Variants in ARHGAP26 observed in about 807,000 individuals in gnomAD.
ARHGAP26 encodes the protein Rho GTPase activating protein 26, also known as rho GTPase-activating protein 26.
A neutral mutation model predicts 104.8 loss-of-function variants in ARHGAP26; 38 were observed. The ratio of observed to expected loss-of-function variants is 0.36; its 90% CI spans 0.28 to 0.48. The LOEUF is 0.48. Among genes scored for constraint, ARHGAP26 ranks in the 20% least tolerant of loss-of-function variants. The probability of loss-of-function intolerance (pLI) is 0.99; values close to 1 mark genes in which losing one functional copy is unlikely to be tolerated. For missense variants in ARHGAP26, 704 were observed against 947.9 expected, an observed-to-expected ratio of 0.74 and a Z score of 3.38; for synonymous variants, 341 against 340.0, an observed-to-expected ratio of 1.00 and a Z score of -0.03.
chr5:142,862,263 A>G (rs1360011942), intron 1 of ARHGAP26, among the ~76,000 whole-genome samples: 1 of 152,202 alleles, frequency 6.6e-6, no homozygotes, highest in African/African-American at 2.4e-5. Context: ...AGGCCTAAGG[A>G]TGTGGAAAGA....
At chr5:143,185,229 A>G (rs778630423) in intron 20 of ARHGAP26, among the ~76,000 whole-genome samples, 12 of 152,204 alleles carry the variant, frequency 7.9e-5, no homozygotes, top group Non-Finnish European at 1.6e-4. Context: ...ACAAGATGAA[A>G]TATGTATGGA....
At chr5:143,173,671 C>T (rs1475323397) in intron 20 of ARHGAP26, among the ~76,000 whole-genome samples, 1 of 152,132 alleles carries the variant, frequency 6.6e-6, no homozygotes, top group Admixed American at 6.5e-5. Context: ...TGCCCAAAGT[C>T]CACAAAATCT....
intron 3 of ARHGAP26, among the ~76,000 whole-genome samples, chr5:142,876,834 A>G (rs953152815): frequency 1.3e-5 from 2 of 150,994 alleles, no homozygotes; most frequent in Non-Finnish European, 2.9e-5. Flanking sequence ...CAGAGTAGAA[A>G]CCTCTTACCT....
chr5:143,213,758 G>GA lies in ARHGAP26; in HGVS notation c.2100-238dup, dbSNP rs528849529. 1.7e-3 allele frequency among the ~76,000 whole-genome samples: 264 copies of GA among 152,268 alleles called. 1 individual carries two copies. Among genetic ancestry groups the GA allele is most frequent in the South Asian group, 8.1e-3 (39 of 4,824 alleles). On this transcript the variant is annotated intron_variant, in intron 21 of 22. Transcript: ENST00000645722. ...GTAAAGTTTTAACATGGCACAAGGT[G>GA]ACCCCACAAAAAGTGTAGTTTCTTG...
At chr5:142,824,975 T>C (rs945162802) in intron 1 of ARHGAP26, among the ~76,000 whole-genome samples, 1 of 152,212 alleles carries the variant, frequency 6.6e-6, no homozygotes, top group South Asian at 2.1e-4. Context: ...GGGCAACCAA[T>C]GAAAATGGAT....
chr5:142,943,571 T>C (rs553249714), intron 11 of ARHGAP26, among the ~76,000 whole-genome samples: 1 of 152,330 alleles, frequency 6.6e-6, no homozygotes, highest in Non-Finnish European at 1.5e-5. Context: ...CTTTCTGTTA[T>C]CATCACATTA....
rs1384333802 is a variant in ARHGAP26, at chr5:142,770,395, C to G, written c.-367C>G. The stretch of plus-strand genomic sequence containing the variant: ...GCGGCCCAGACACCGGCGGGGCGGC[C>G]GAGGCTGCTGTGAGAGGGCGCTCGA... On this transcript the variant is annotated 5_prime_UTR_variant, in exon 1 of 23. Transcript: ENST00000645722. 1 of 190,710 alleles carries G rather than the reference C, an allele frequency of 5.2e-6. No individual in the cohort carries two copies. Among genetic ancestry groups the G allele is most frequent in the Non-Finnish European group, 1.1e-5 (1 of 90,876 alleles). 11.8% of individuals were successfully genotyped at this position (190,710 alleles called of 1,614,324 possible).
intron 20 of ARHGAP26, chr5:143,169,585 G>A (rs966591398): frequency 2.6e-5 from 4 of 152,222 alleles, no homozygotes; most frequent in Admixed American, 2.6e-4. Context: ...CCTAATTTCT[G>A]TTGGTCCACA....
rs1176038580 is a variant in ARHGAP26 at position 143,042,921 on chromosome 5, G to A, written c.1285+1031G>A. 2.0e-5 allele frequency among the ~76,000 whole-genome samples: 3 copies of A among 152,248 alleles called. No homozygotes were observed. In the East Asian group the frequency reaches 5.8e-4, roughly 29 times the overall value. ...ATTATTTGCGAGGTACTCTAGCAACGAGTATCTGGGTTTTTTTTGGTTAAG... is the reference window on the plus strand; with the variant it reads ...ATTATTTGCGAGGTACTCTAGCAACAAGTATCTGGGTTTTTTTTGGTTAAG... On this transcript the variant is annotated intron_variant, in intron 14 of 22. Transcript: ENST00000645722.
chr5:142,776,643 CT>C (rs1358002357), intron 1 of ARHGAP26, among the ~76,000 whole-genome samples: 1 of 152,162 alleles, frequency 6.6e-6, no homozygotes, highest in Non-Finnish European at 1.5e-5. Context: ...CATTCACCAG[CT>C]GATGATTTGG....
chr5:142,770,872 G>A lies in ARHGAP26; in HGVS notation c.111G>A (p.Lys37=). 1 of 1,611,716 alleles carries A rather than the reference G, an allele frequency of 6.2e-7. No individual in the cohort carries two copies. Among genetic ancestry groups the A allele is most frequent in the Non-Finnish European group, 8.5e-7 (1 of 1,178,796 alleles). ...TGGACAAGACCAACAAATTCATCAA[G>A]GAGCTCATCAAGGACGGGAAGTCAC... ...AELDKTNKFI[K]ELIKDGKSLI... The change falls in exon 1 of 23, where the codon AAG becomes AAA. Residue 37 remains lysine, a synonymous_variant. Transcript: ENST00000645722.
chr5:142,953,725 A>G (rs921856254), intron 11 of ARHGAP26, among the ~76,000 whole-genome samples: 2 of 152,220 alleles, frequency 1.3e-5, no homozygotes, highest in Non-Finnish European at 2.9e-5. Flanking sequence ...TGGAGTGCCA[A>G]CTGACAAGAG....
intron 11 of ARHGAP26, among the ~76,000 whole-genome samples, chr5:142,975,896 A>G (rs1450991599): frequency 6.6e-6 from 1 of 152,272 alleles, no homozygotes; most frequent in South Asian, 2.1e-4. Flanking sequence ...GCAAATAACA[A>G]GAATATAATG....
chr5:143,139,577 C>T (rs188673938), intron 19 of ARHGAP26, among the ~76,000 whole-genome samples: 210 of 152,298 alleles, frequency 1.4e-3, no homozygotes, highest in Middle Eastern at 3.4e-3. Context: ...CCTCAATGTG[C>T]GTCCTGGCAG....
chr5:143,120,286 T>C (rs891496884), intron 17 of ARHGAP26, among the ~76,000 whole-genome samples: 1 of 152,240 alleles, frequency 6.6e-6, no homozygotes, highest in African/African-American at 2.4e-5. Context: ...TGCCTACGTC[T>C]TTAGCAAATT....
chr5:142,843,792 T>C (rs1366135001), intron 1 of ARHGAP26, among the ~76,000 whole-genome samples: 1 of 152,206 alleles, frequency 6.6e-6, no homozygotes, highest in Non-Finnish European at 1.5e-5. Context: ...TTTTAGTTTA[T>C]AAAATCTGGG....
chr5:143,114,229 G>C (rs1009067966), intron 17 of ARHGAP26, among the ~76,000 whole-genome samples: 2 of 152,174 alleles, frequency 1.3e-5, no homozygotes, highest in Admixed American at 1.3e-4. Context: ...TACACAGAAC[G>C]ATGTATCTGA....
At chr5:142,822,824 G>T (rs1168904853) in intron 1 of ARHGAP26, among the ~76,000 whole-genome samples, 7 of 152,102 alleles carry the variant, frequency 4.6e-5, no homozygotes, top group Admixed American at 3.3e-4. Context: ...GTTGTTGAAG[G>T]CTAAACCCCA....
chr5:142,848,277 C>G lies in ARHGAP26; in HGVS notation c.155-25123C>G, dbSNP rs544655133. ...ATCTGGACAGTGAATCTGATACTCT[C>G]TGAGCTGTTTGGTCAACATTGCTTA... is the stretch of plus-strand genomic sequence containing the variant. On this transcript the variant is annotated intron_variant, in intron 1 of 22. Coordinates refer to ENST00000645722, the MANE Select transcript of ARHGAP26 (RefSeq NM_001135608.3). Among the ~76,000 whole-genome samples, 7 of 152,342 alleles carry G rather than the reference C, an allele frequency of 4.6e-5. No homozygotes were observed. The South Asian group carries it at 1.5e-3, about 32-fold the overall frequency.
Sources: gnomAD v4.1 joint callset for allele counts (sites outside exome capture counted in the v4.1 genomes callset) on GRCh38, gnomAD v4.1.1 for gene constraint, MANE v1.5 for transcripts, NCBI Gene and HGNC (gene_info 2026-07-23, HGNC 2026-07-21) for gene names.